The following KCNIP4 variants were observed in gnomAD, a reference collection of about 807,000 sequenced individuals.
The protein encoded by KCNIP4 is Kv channel-interacting protein 4.
In KCNIP4, 12 loss-of-function variants were observed where a neutral mutation model predicts 34.0. That is an observed-to-expected ratio of 0.35 (90% CI 0.23 to 0.57). The LOEUF is 0.57. Ranked by LOEUF, KCNIP4 falls within the 20% of genes least tolerant of loss-of-function variation. The pLI is 0.83. For synonymous variants in KCNIP4, 124 were observed against 102.2 expected (o/e 1.21, Z -1.29); for missense variants, 238 against 311.7 (o/e 0.76, Z 1.78).
Position 21,084,482 on chromosome 4 carries a change from A to G in KCNIP4, c.62-201773T>C, listed in dbSNP as rs184198315. Among the ~76,000 whole-genome samples the G allele has an allele frequency of 2.0e-5, 3 of 149,984 alleles. No individual in the cohort carries two copies. The East Asian group carries it at 5.9e-4, about 29-fold the overall frequency. ...TCCATGCCATTTGGAAAGTTAGAAG[A>G]AATCATATTAGGCCTGAGAATAGAC... is the stretch of plus-strand genomic sequence containing the variant. On this transcript the variant is annotated intron_variant, in intron 1 of 8. Transcript: ENST00000382152.
At chr4:21,741,538 G>C (rs546871554) in intron 1 of KCNIP4, among the ~76,000 whole-genome samples, 1 of 152,220 alleles carries the variant, frequency 6.6e-6, no homozygotes, top group South Asian at 2.1e-4. Flanking sequence ...GTGGAACCCA[G>C]CATCATCTAT....
In KCNIP4 at chr4:20,917,606, A is replaced by T. The variant is rs529219273; in HGVS notation, c.62-34897T>A. Among the ~76,000 whole-genome samples the T allele has an allele frequency of 2.7e-3, 406 of 152,180 alleles. 1 individual carries two copies. The highest frequency in any genetic ancestry group is 8.8e-3 in the African/African-American group (367 of 41,504). On this transcript the variant is annotated intron_variant, in intron 1 of 8. Transcript: ENST00000382152. Reference sequence around the variant, plus strand: ...AAATAAATAAGATTTTTGAGAAAAAATTTTTTTTAAAATGTGCCAGGACTG... The same window carrying T: ...AAATAAATAAGATTTTTGAGAAAAATTTTTTTTTAAAATGTGCCAGGACTG...
At chr4:20,978,936 A>G (rs1735753046) in intron 1 of KCNIP4, among the ~76,000 whole-genome samples, 1 of 152,162 alleles carries the variant, frequency 6.6e-6, no homozygotes, top group Non-Finnish European at 1.5e-5. Context: ...CCATGTGAAA[A>G]CAAGTGCCAA....
intron 1 of KCNIP4, among the ~76,000 whole-genome samples, chr4:21,726,820 A>T (rs1715229004): frequency 6.6e-6 from 1 of 152,184 alleles, no homozygotes; most frequent in Admixed American, 6.5e-5. Context: ...TATGGCTTCA[A>T]TCGATGGATC....
intron 1 of KCNIP4, among the ~76,000 whole-genome samples, chr4:21,397,780 T>C (rs964960181): frequency 5.9e-5 from 9 of 152,140 alleles, no homozygotes; most frequent in Admixed American, 5.9e-4. Flanking sequence ...TATAAGTCAA[T>C]AAATAAGTGG....
chr4:20,839,585 AAG>A (rs1202680899), intron 3 of KCNIP4, among the ~76,000 whole-genome samples: 1 of 151,352 alleles, frequency 6.6e-6, no homozygotes, highest in Admixed American at 6.6e-5. Context: ...GAGGGGGAAA[AAG>A]AAACTTTAAG....
intron 1 of KCNIP4, among the ~76,000 whole-genome samples, chr4:21,662,464 C>T (rs1273440682): frequency 6.6e-6 from 1 of 152,158 alleles, no homozygotes; most frequent in Non-Finnish European, 1.5e-5. Context: ...AAGTGATTTG[C>T]TAAACAGCAT....
intron 1 of KCNIP4, among the ~76,000 whole-genome samples, chr4:21,766,628 T>C (rs1487115452): frequency 6.6e-6 from 1 of 152,182 alleles, no homozygotes; most frequent in Non-Finnish European, 1.5e-5. Context: ...AACAATTTCC[T>C]TTTCAGTCTT....
intron 3 of KCNIP4, among the ~76,000 whole-genome samples, chr4:20,839,407 T>A (rs761971783): frequency 6.6e-6 from 1 of 151,262 alleles, no homozygotes; most frequent in African/African-American, 2.4e-5. Flanking sequence ...TACACATAGA[T>A]ATAAGAATAT....
intron 1 of KCNIP4, among the ~76,000 whole-genome samples, chr4:21,042,454 T>C (rs1742049464): frequency 6.6e-6 from 1 of 152,150 alleles, no homozygotes; most frequent in African/African-American, 2.4e-5. Flanking sequence ...AAATGTATGA[T>C]CTCTTGCATA....
At chr4:21,875,426 CTA>C (rs1726053774) in intron 1 of KCNIP4, among the ~76,000 whole-genome samples, 1 of 152,104 alleles carries the variant, frequency 6.6e-6, no homozygotes, top group African/African-American at 2.4e-5. Context: ...TGTTTTTCAC[CTA>C]TTTACTCATA....
At chr4:21,763,213 G>A (rs905669606) in intron 1 of KCNIP4, among the ~76,000 whole-genome samples, 7 of 152,126 alleles carry the variant, frequency 4.6e-5, no homozygotes, top group Non-Finnish European at 8.8e-5. Flanking sequence ...TGCAGTCTGC[G>A]TGTCATAAGA....
chr4:21,421,690 G>A (rs1725464545), intron 1 of KCNIP4, among the ~76,000 whole-genome samples: 1 of 152,078 alleles, frequency 6.6e-6, no homozygotes, highest in Non-Finnish European at 1.5e-5. Context: ...TATCTTATGT[G>A]ACCATACTTA....
chr4:21,149,099 C>T (rs1379058214), intron 1 of KCNIP4, among the ~76,000 whole-genome samples: 1 of 152,008 alleles, frequency 6.6e-6, no homozygotes, highest in Non-Finnish European at 1.5e-5. Context: ...TCTCAAAAGC[C>T]TAAATGCAGA....
intron 1 of KCNIP4, among the ~76,000 whole-genome samples, chr4:21,618,630 CTTTT>C (rs58967707): frequency 1.2e-5 from 1 of 81,788 alleles, no homozygotes; most frequent in Non-Finnish European, 2.2e-5. Flanking sequence ...TTTTCTTTTT[CTTTT>C]TTTTTTTTTT....
intron 1 of KCNIP4, among the ~76,000 whole-genome samples, chr4:21,749,555 ATT>A (rs1215128657): frequency 6.6e-6 from 1 of 152,082 alleles, no homozygotes; most frequent in East Asian, 1.9e-4. Flanking sequence ...CGCCCTAGGA[ATT>A]TCTCTCTAAC....
At chr4:21,135,529 CA>C (rs1039674945) in intron 1 of KCNIP4, among the ~76,000 whole-genome samples, 1 of 152,088 alleles carries the variant, frequency 6.6e-6, no homozygotes, top group Non-Finnish European at 1.5e-5. Context: ...GTATTTTTGG[CA>C]GGAAAATTGG....
intron 1 of KCNIP4, among the ~76,000 whole-genome samples, chr4:21,947,209 T>C (rs1268826969): frequency 6.6e-6 from 1 of 152,152 alleles, no homozygotes; most frequent in African/African-American, 2.4e-5. Flanking sequence ...ACCCCAAAAC[T>C]ACTCAGCCCT....
intron 1 of KCNIP4, among the ~76,000 whole-genome samples, chr4:21,441,950 A>G (rs1727518116): frequency 6.6e-6 from 1 of 152,206 alleles, no homozygotes. Context: ...ACTTCATTTA[A>G]GAAATATCCA....
Sources: allele counts gnomAD v4.1 joint callset (sites outside exome capture counted in the v4.1 genomes callset), GRCh38; gene constraint gnomAD v4.1.1; transcripts MANE v1.5; gene names NCBI Gene and HGNC (gene_info 2026-07-23, HGNC 2026-07-21).